APLF: variants seen among roughly 807,000 people sequenced by gnomAD.
The protein encoded by APLF is aprataxin and PNK-like factor.
In APLF, 61 loss-of-function variants were observed where a neutral mutation model predicts 55.6. The ratio of observed to expected loss-of-function variants is 1.10; its 90% confidence interval spans 0.89 to 1.36. APLF has a LOEUF of 1.36. Ranked by LOEUF, APLF falls within the 40% of genes most tolerant of loss-of-function variation. The probability of loss-of-function intolerance (pLI) is 0.00; values close to 1 mark genes in which losing one functional copy is unlikely to be tolerated. For synonymous variants in APLF, 207 were observed against 214.8 expected, an observed-to-expected ratio of 0.96 and a Z score of 0.32; for missense variants, 611 against 602.5, an observed-to-expected ratio of 1.01 and a Z score of -0.15.
chr2:68,484,611 G>A (rs1676069048), intron 1 of APLF, among the ~76,000 whole-genome samples: 2 of 151,540 alleles, frequency 1.3e-5, no homozygotes, highest in South Asian at 4.2e-4. Flanking sequence ...AGAATAGCTT[G>A]AACCTGGGAG....
chr2:68,575,662 G>A (rs1212681252), intron 9 of APLF, among the ~76,000 whole-genome samples: 1 of 151,764 alleles, frequency 6.6e-6, no homozygotes, highest in East Asian at 1.9e-4. Flanking sequence ...TTGGGTTCTC[G>A]GTGAGGGATA....
intron 8 of APLF, among the ~76,000 whole-genome samples, chr2:68,546,968 A>G (rs12713646): frequency 0.11 from 17,260 of 151,852 alleles, 1,283 homozygotes; most frequent in African/African-American, 0.21. Flanking sequence ...GTGTTAACAG[A>G]TGGTATTATT....
Position 68,536,658 on chromosome 2 carries a change from A to G in APLF, c.805-1214A>G, listed in dbSNP as rs576722159. Among the ~76,000 whole-genome samples the G allele has an allele frequency of 1.7e-4, 26 of 152,284 alleles. 1 individual carries two copies. The highest frequency in any genetic ancestry group is 4.6e-4 in the Admixed American group (7 of 15,296). The stretch of plus-strand genomic sequence containing the variant: ...CAAATTATAAAGGTTCTGCAGTGCT[A>G]ATGAGAGTATTTATTTGGTTCAAAG... On this transcript the variant is annotated intron_variant, in intron 6 of 9. Coordinates refer to ENST00000303795, the MANE Select transcript of APLF (RefSeq NM_173545.3).
intron 8 of APLF, among the ~76,000 whole-genome samples, chr2:68,557,803 A>G (rs780772737): frequency 6.6e-6 from 1 of 151,916 alleles, no homozygotes; most frequent in African/African-American, 2.4e-5. Flanking sequence ...CCCAGCTACT[A>G]GGGAGGCTTA....
chr2:68,495,962 G>A (rs1676534469), intron 2 of APLF, among the ~76,000 whole-genome samples: 1 of 152,384 alleles, frequency 6.6e-6, no homozygotes, highest in Non-Finnish European at 1.5e-5. Context: ...GGGCAGCAGG[G>A]CCCTGGGACT....
intron 8 of APLF, among the ~76,000 whole-genome samples, chr2:68,566,722 G>C (rs889886910): frequency 1.3e-5 from 2 of 151,934 alleles, no homozygotes; most frequent in African/African-American, 4.8e-5. Flanking sequence ...CCAAACATTT[G>C]TTTAACTAAC....
At chr2:68,571,428 G>A (rs1388377862) in intron 9 of APLF, among the ~76,000 whole-genome samples, 1 of 151,974 alleles carries the variant, frequency 6.6e-6, no homozygotes, top group Non-Finnish European at 1.5e-5. Context: ...ATGGTTTTAG[G>A]TCTAACATTT....
chr2:68,576,024 CTG>C (rs1671610607), intron 9 of APLF, among the ~76,000 whole-genome samples: 1 of 152,086 alleles, frequency 6.6e-6, no homozygotes, highest in Admixed American at 6.6e-5. Context: ...GCAAAGAAAA[CTG>C]AGAAGGAGCA....
At chr2:68,504,636 C>A (rs1479965734) in intron 3 of APLF, among the ~76,000 whole-genome samples, 2 of 151,720 alleles carry the variant, frequency 1.3e-5, no homozygotes, top group African/African-American at 4.8e-5. Context: ...TACAAAAAAC[C>A]TATTAGTGAA....
In APLF at chr2:68,551,298, C is replaced by G. The variant is rs115122873; in HGVS notation, c.1286+5986C>G. Among the ~76,000 whole-genome samples the G allele has an allele frequency of 5.7e-3, 863 of 152,118 alleles. 5 individuals are homozygous for G. The highest frequency in any genetic ancestry group is 0.02 in the African/African-American group (817 of 41,526). On this transcript the variant is annotated intron_variant, in intron 8 of 9. Transcript: ENST00000303795. The stretch of plus-strand genomic sequence containing the variant: ...TTTTATCTTTGCCTTTAGTTTTTAA[C>G]AGTTTAACTAACGTGCCTAGGTATA...
intron 1 of APLF, among the ~76,000 whole-genome samples, chr2:68,486,807 GCTTT>G (rs1363836964): frequency 9.2e-5 from 14 of 152,002 alleles, no homozygotes; most frequent in Non-Finnish European, 7.4e-5. Flanking sequence ...ACTTTTTATG[GCTTT>G]CTAAGATGTG....
intron 5 of APLF, among the ~76,000 whole-genome samples, chr2:68,523,882 A>C (rs1367166616): frequency 6.6e-6 from 1 of 151,850 alleles, no homozygotes; most frequent in African/African-American, 2.4e-5. Context: ...GCATTTTAAT[A>C]ATATCAAAAT....
intron 6 of APLF, chr2:68,528,530 G>A: frequency 6.5e-7 from 1 of 1,533,958 alleles, no homozygotes; most frequent in South Asian, 1.2e-5. Context: ...GGGTGGAGAA[G>A]ACCTACTTGA....
intron 1 of APLF, among the ~76,000 whole-genome samples, chr2:68,469,431 A>G (rs956739980): frequency 8.5e-5 from 13 of 152,148 alleles, no homozygotes; most frequent in Non-Finnish European, 5.9e-5. Context: ...TCGACTTGCT[A>G]ATGTGAGATG....
intron 1 of APLF, 23 bp from the exon 2 acceptor site, chr2:68,490,167 C>A: frequency 6.5e-7 from 1 of 1,549,666 alleles, no homozygotes; most frequent in Non-Finnish European, 8.7e-7. Context: ...TATTCTTAAT[C>A]TTTTAATTTT....
chr2:68,534,625 C>A (rs575311490), intron 6 of APLF, among the ~76,000 whole-genome samples: 1 of 152,148 alleles, frequency 6.6e-6, no homozygotes, highest in Non-Finnish European at 1.5e-5. Context: ...GCTCTTCCGT[C>A]CCTCAGGTCT....
Position 68,524,365 on chromosome 2 carries a change from T to C in APLF, c.623-1696T>C, listed in dbSNP as rs562381392. On this transcript the variant is annotated intron_variant, in intron 5 of 9. Transcript: ENST00000303795. ...TTCTTTCCTGAACTTAATGAGGGAA[T>C]GTTATTTCAGGCTACTTGAATGTCC... Among the ~76,000 whole-genome samples the C allele has an allele frequency of 8.5e-5, 13 of 152,348 alleles. No individual in the cohort carries two copies. In the East Asian group the frequency reaches 2.3e-3, roughly 27 times the overall value.
chr2:68,545,210 A>AT lies in APLF; in HGVS notation c.1188dup (p.Ser397Ter), dbSNP rs1158175876. The AT allele has an allele frequency of 6.2e-7, 1 of 1,613,554 alleles. No individual in the cohort carries two copies. Among genetic ancestry groups the AT allele is most frequent in the Non-Finnish European group, 8.5e-7 (1 of 1,179,720 alleles). On this transcript the variant is annotated frameshift_variant, in exon 8 of 10. Transcript: ENST00000303795. LOFTEE classifies it high-confidence loss of function. ...AGGAAGAATCCTGTTCATTTTCAAC[A>AT]TTTTAGCCATCCTGGTGATAGTGAT...
rs149748000 is a variant in APLF at position 68,484,316 on chromosome 2, A to G, written c.97-5874A>G. Reference sequence around the variant, plus strand: ...AATATTTAAAACCAGAAAGTCAAATATAAGGGATCCACATGGTATCACTAC... The same window carrying G: ...AATATTTAAAACCAGAAAGTCAAATGTAAGGGATCCACATGGTATCACTAC... On this transcript the variant is annotated intron_variant, in intron 1 of 9. Coordinates refer to ENST00000303795, the MANE Select transcript of APLF (RefSeq NM_173545.3). Among the ~76,000 whole-genome samples the G allele has an allele frequency of 5.2e-3, 798 of 152,286 alleles. 3 individuals carry two copies. The highest frequency in any genetic ancestry group is 8.4e-3 in the Admixed American group (128 of 15,294).
Sources: allele counts gnomAD v4.1 joint callset (sites outside exome capture counted in the v4.1 genomes callset), GRCh38; gene constraint gnomAD v4.1.1; transcripts MANE v1.5; gene names NCBI Gene and HGNC (gene_info 2026-07-23, HGNC 2026-07-21).